Variants in INVS observed in about 807,000 individuals in gnomAD.
The protein encoded by INVS is inversion of embryo turning homolog.
A neutral mutation model predicts 108.8 loss-of-function variants in INVS; 86 were observed. The ratio of observed to expected loss-of-function variants is 0.79; its 90% CI spans 0.66 to 0.95. The LOEUF is 0.95. Among genes scored for constraint, INVS ranks in the 40% least tolerant of loss-of-function variants. INVS has a pLI of 0.00. For missense variants in INVS, 1,169 were observed against 1,297.4 expected (o/e 0.90, Z 1.52); for synonymous variants, 455 against 473.5 (o/e 0.96, Z 0.51).
chr9:100,250,804 A>G (rs1187552048), intron 8 of INVS, among the ~76,000 whole-genome samples: 1 of 152,192 alleles, frequency 6.6e-6, no homozygotes, highest in Non-Finnish European at 1.5e-5. Context: ...TTAAAGCATA[A>G]ATCAGATAAT....
chr9:100,121,139 A>T (rs985559797), intron 2 of INVS, among the ~76,000 whole-genome samples: 2 of 152,130 alleles, frequency 1.3e-5, no homozygotes, highest in African/African-American at 4.8e-5. Flanking sequence ...TGCTGCTTCA[A>T]ATCTCTACAA....
At position 100,175,052 on chromosome 9, in the gene INVS, A is replaced by G. The variant is rs529734469; in HGVS notation, c.273+48503A>G. On this transcript the variant is annotated intron_variant, in intron 3 of 16. Coordinates refer to ENST00000262457, the MANE Select transcript of INVS (RefSeq NM_014425.5). ...CTGTGGGAGAACTCACTTCATCCCA[A>G]CTTCTTCATACTTTCACTTCTGGAG... 5.5e-5 allele frequency: 11 copies of G among 200,554 alleles called. 1 individual carries two copies. The South Asian group carries it at 1.1e-3, about 20-fold the overall frequency. The allele number at this position is 200,554 out of a possible 1,614,324, so 12.4% of individuals were successfully genotyped here. A position where few individuals can be genotyped will look rare whatever the true frequency, so the allele number is the denominator to read the frequency against.
chr9:100,101,553 G>T (rs1177761277), intron 1 of INVS: 1 of 152,042 alleles, frequency 6.6e-6, no homozygotes, highest in Non-Finnish European at 1.5e-5. Context: ...AACTCAAATT[G>T]TCAGCAAAAT....
intron 3 of INVS, among the ~76,000 whole-genome samples, chr9:100,131,502 T>C (rs1427281977): frequency 1.3e-5 from 2 of 152,162 alleles, no homozygotes; most frequent in African/African-American, 2.4e-5. Flanking sequence ...TTGTTTTTCA[T>C]TTAGAACCAT....
chr9:100,226,312 A>T, intron 4 of INVS, 77 bp downstream of exon 4: 2 of 1,274,582 alleles, frequency 1.6e-6, no homozygotes, highest in Middle Eastern at 2.0e-4. Context: ...ATTTCAAGGA[A>T]GAAGGCCTGA....
chr9:100,220,872 A>G (rs1265076300), intron 3 of INVS, among the ~76,000 whole-genome samples: 2 of 151,990 alleles, frequency 1.3e-5, no homozygotes, highest in African/African-American at 4.8e-5. Flanking sequence ...GCTATTCAGG[A>G]AGCTAGGGCA....
At chr9:100,103,359 G>T (rs1341645955) in intron 1 of INVS, among the ~76,000 whole-genome samples, 4 of 151,702 alleles carry the variant, frequency 2.6e-5, no homozygotes, top group African/African-American at 9.7e-5. Context: ...GGGCATGGTG[G>T]CTTATGCCTG....
At chr9:100,226,277 C>T (rs1831319410) in intron 4 of INVS, 42 bp downstream of exon 4, 3 of 1,547,628 alleles carry the variant, frequency 1.9e-6, no homozygotes, top group Middle Eastern at 1.7e-4. Context: ...GACCAGAAAG[C>T]AAATGCTTCC....
intron 8 of INVS, among the ~76,000 whole-genome samples, chr9:100,247,335 G>C (rs1832077473): frequency 6.6e-6 from 1 of 152,056 alleles, no homozygotes; most frequent in South Asian, 2.1e-4. Flanking sequence ...ACTCTTACTA[G>C]ATACTTCTTT....
chr9:100,241,439 G>A (rs886343996), intron 6 of INVS, among the ~76,000 whole-genome samples: 3 of 150,984 alleles, frequency 2.0e-5, no homozygotes, highest in Admixed American at 6.6e-5. Flanking sequence ...ATTTCACTCT[G>A]TTTTCTTCTT....
chr9:100,212,222 A>C (rs1830852728), intron 3 of INVS, among the ~76,000 whole-genome samples: 1 of 152,200 alleles, frequency 6.6e-6, no homozygotes, highest in Non-Finnish European at 1.5e-5. Flanking sequence ...CTCCTTTCTA[A>C]TCCATTTCTG....
intron 15 of INVS, 38 bp downstream of exon 15, chr9:100,297,184 C>T (rs527646504): frequency 1.4e-6 from 2 of 1,470,820 alleles, no homozygotes; most frequent in Admixed American, 3.4e-5. Flanking sequence ...TTCACAAGTA[C>T]CCCCAGAGTA....
At chr9:100,269,998 G>T (rs776058204) in intron 11 of INVS, among the ~76,000 whole-genome samples, 1 of 152,052 alleles carries the variant, frequency 6.6e-6, no homozygotes, top group Admixed American at 6.6e-5. Flanking sequence ...AGTCTGCAAC[G>T]TATTACATTG....
intron 3 of INVS, among the ~76,000 whole-genome samples, chr9:100,163,285 G>C (rs527757377): frequency 1.3e-5 from 2 of 150,972 alleles, no homozygotes; most frequent in East Asian, 3.9e-4. Flanking sequence ...TAACAAACGC[G>C]GGCACCACCT....
At chr9:100,271,419 T>A (rs754872990) in intron 11 of INVS, among the ~76,000 whole-genome samples, 10 of 152,264 alleles carry the variant, frequency 6.6e-5, no homozygotes, top group Non-Finnish European at 1.0e-4. Context: ...AGGTTGTTTC[T>A]ATTCTTTTGC....
At chr9:100,165,558 A>T (rs1200480075) in intron 3 of INVS, among the ~76,000 whole-genome samples, 3 of 152,190 alleles carry the variant, frequency 2.0e-5, no homozygotes, top group Non-Finnish European at 4.4e-5. Flanking sequence ...ACCAATTTTT[A>T]AAATAATGAA....
chr9:100,222,851 T>C (rs973940529), intron 3 of INVS, among the ~76,000 whole-genome samples: 1 of 151,278 alleles, frequency 6.6e-6, no homozygotes, highest in East Asian at 1.9e-4. Context: ...AAAGAAAAGA[T>C]GGCAAGAAAT....
At chr9:100,173,383 A>T (rs1310635196) in intron 3 of INVS, among the ~76,000 whole-genome samples, 1 of 152,184 alleles carries the variant, frequency 6.6e-6, no homozygotes, top group East Asian at 1.9e-4. Context: ...CTGCATTCTT[A>T]CTTTTTGAAG....
chr9:100,233,860 G>T (rs1831594334), intron 5 of INVS, among the ~76,000 whole-genome samples: 1 of 152,094 alleles, frequency 6.6e-6, no homozygotes, highest in South Asian at 2.1e-4. Context: ...GCTAGGTTTT[G>T]GTGTCAGGAT....
Sources: allele counts gnomAD v4.1 joint callset (sites outside exome capture counted in the v4.1 genomes callset), GRCh38; gene constraint gnomAD v4.1.1; transcripts MANE v1.5; gene names NCBI Gene and HGNC (gene_info 2026-07-23, HGNC 2026-07-21).